Variants in KLF13 observed in about 807,000 individuals in gnomAD.
KLF13 encodes the protein KLF transcription factor 13, also known as Krueppel-like factor 13.
KLF13 carries 8 observed loss-of-function variants against 16.7 expected under a neutral mutation model. The ratio of observed to expected loss-of-function variants is 0.48; its 90% CI spans 0.28 to 0.87. KLF13 has a LOEUF of 0.87. Ranked by LOEUF, KLF13 falls within the 40% of genes least tolerant of loss-of-function variation. The pLI, the probability that KLF13 is intolerant of heterozygous loss-of-function variation, is 0.10. For missense variants in KLF13, 447 were observed against 452.2 expected (o/e 0.99, Z 0.10); for synonymous variants, 245 against 208.4 (o/e 1.18, Z -1.51).
In KLF13 at chr15:31,336,596, G is replaced by A. The variant is rs373615363; in HGVS notation, c.577+8807G>A. Among the ~76,000 whole-genome samples the A allele has an allele frequency of 7.2e-5, 11 of 152,280 alleles. No homozygotes were observed. The South Asian group carries it at 2.3e-3, about 32-fold the overall frequency. On this transcript the variant is annotated intron_variant, in intron 1 of 1. Coordinates refer to ENST00000307145, the MANE Select transcript of KLF13 (RefSeq NM_015995.4). The stretch of plus-strand genomic sequence containing the variant: ...CACTAAACAAGAAAAATAATACAGG[G>A]AACTTGGTTTAGGGGTATTGGTAGA...
At chr15:31,411,749 T>C (rs907323226) in intron 1 of KLF13, among the ~76,000 whole-genome samples, 3 of 151,882 alleles carry the variant, frequency 2.0e-5, no homozygotes, top group Admixed American at 6.6e-5. Context: ...ATTATAGAAG[T>C]ATAAAGAGTA....
In KLF13 at chr15:31,372,306, C is replaced by T. The variant is rs1566823116; in HGVS notation, c.*7C>T. On this transcript the variant is annotated 3_prime_UTR_variant, in exon 2 of 2. Transcript: ENST00000307145. ...CCCGGCCAGCTCGCCCTGAGCCCGC[C>T]ACAGCCATGAGCAGCCGCTCCCACC... The T allele has an allele frequency of 3.7e-5, 54 of 1,466,666 alleles. No individual in the cohort carries two copies. Among genetic ancestry groups the T allele is most frequent in the Non-Finnish European group, 4.9e-5 (54 of 1,113,366 alleles). 90.9% of individuals were successfully genotyped at this position (1,466,666 alleles called of 1,614,324 possible).
At chr15:31,343,455 G>T (rs1465966451) in intron 1 of KLF13, among the ~76,000 whole-genome samples, 1 of 152,220 alleles carries the variant, frequency 6.6e-6, no homozygotes, top group African/African-American at 2.4e-5. Context: ...GCAGTGGGAA[G>T]GAGACCAGCC....
chr15:31,389,466 A>G (rs1248099452), upstream of KLF13, among the ~76,000 whole-genome samples: 1 of 151,974 alleles, frequency 6.6e-6, no homozygotes, highest in Non-Finnish European at 1.5e-5. Context: ...AACTGTAATT[A>G]CCTCCAGTCC....
intron 1 of KLF13, among the ~76,000 whole-genome samples, chr15:31,350,333 T>C (rs2039197035): frequency 6.6e-6 from 1 of 152,212 alleles, no homozygotes; most frequent in African/African-American, 2.4e-5. Flanking sequence ...ATTGGTCCGT[T>C]GTTCGGAACC....
chr15:31,348,789 G>A (rs1312664370), intron 1 of KLF13, among the ~76,000 whole-genome samples: 1 of 152,160 alleles, frequency 6.6e-6, no homozygotes, highest in Non-Finnish European at 1.5e-5. Context: ...TAAACAACAA[G>A]TTTATTTTCA....
intron 1 of KLF13, among the ~76,000 whole-genome samples, chr15:31,383,920 TAA>T: frequency 6.6e-6 from 1 of 151,274 alleles, no homozygotes; most frequent in East Asian, 2.0e-4. Context: ...AATAAATAAA[TAA>T]ATAAAATAAA....
At chr15:31,362,266 A>C (rs1211312047) in intron 1 of KLF13, among the ~76,000 whole-genome samples, 3 of 152,128 alleles carry the variant, frequency 2.0e-5, no homozygotes, top group African/African-American at 4.8e-5. Flanking sequence ...CCTATCAAAC[A>C]ATTTATCAGG....
Position 31,350,291 on chromosome 15 carries a change from C to T in KLF13, c.578-21719C>T, listed in dbSNP as rs1251950537. Among the ~76,000 whole-genome samples the T allele has an allele frequency of 2.6e-5, 4 of 152,220 alleles. No individual in the cohort carries two copies. In the East Asian group the frequency reaches 7.7e-4, roughly 29 times the overall value. Reference sequence around the variant, plus strand: ...GGGAGGGGATGAGCCGAGCAGGCCCCCCAGCGTGCAGGGCACCTGGATGCC... The same window carrying T: ...GGGAGGGGATGAGCCGAGCAGGCCCTCCAGCGTGCAGGGCACCTGGATGCC... On this transcript the variant is annotated intron_variant, in intron 1 of 1. Transcript: ENST00000307145.
At chr15:31,351,557 C>T (rs1176036187) in intron 1 of KLF13, among the ~76,000 whole-genome samples, 2 of 152,192 alleles carry the variant, frequency 1.3e-5, no homozygotes, top group African/African-American at 2.4e-5. Flanking sequence ...TCATTATTTT[C>T]AGGGGGAGTT....
chr15:31,337,544 T>C (rs2038951530), intron 1 of KLF13, among the ~76,000 whole-genome samples: 1 of 152,244 alleles, frequency 6.6e-6, no homozygotes, highest in Non-Finnish European at 1.5e-5. Flanking sequence ...TTCGTCCTTA[T>C]GTGAACATCA....
At chr15:31,431,638 G>A (rs1371652177) in intron 1 of KLF13, among the ~76,000 whole-genome samples, 1 of 152,050 alleles carries the variant, frequency 6.6e-6, no homozygotes, top group Non-Finnish European at 1.5e-5. Flanking sequence ...CTAATTTTTT[G>A]TATTTTTAGT....
At chr15:31,409,831 CTG>C (rs1430747846) in intron 1 of KLF13, among the ~76,000 whole-genome samples, 1 of 151,996 alleles carries the variant, frequency 6.6e-6, no homozygotes, top group African/African-American at 2.4e-5. Context: ...TAAATAAAAA[CTG>C]AGAAAATTTT....
chr15:31,366,733 A>ACTGTGTGCCCCCCTGTGCTCC (rs1364980450), intron 1 of KLF13, among the ~76,000 whole-genome samples: 1 of 152,070 alleles, frequency 6.6e-6, no homozygotes, highest in Non-Finnish European at 1.5e-5. Context: ...CCCTCACCTC[A>ACTGTGTGCCCCCCTGTGCTCC]CTGTGTGCCC....
At chr15:31,359,956 G>A (rs779205424) in intron 1 of KLF13, among the ~76,000 whole-genome samples, 3 of 152,198 alleles carry the variant, frequency 2.0e-5, no homozygotes, top group Non-Finnish European at 2.9e-5. Flanking sequence ...GAGGCAGGTA[G>A]GACACAGAAC....
chr15:31,368,333 C>T (rs1414330753), intron 1 of KLF13, among the ~76,000 whole-genome samples: 2 of 152,110 alleles, frequency 1.3e-5, no homozygotes, highest in African/African-American at 2.4e-5. Context: ...TGGACTTTCC[C>T]AAGCTTTTAA....
intron 1 of KLF13, among the ~76,000 whole-genome samples, chr15:31,346,189 A>G (rs924292774): frequency 6.6e-6 from 1 of 151,942 alleles, no homozygotes; most frequent in African/African-American, 2.4e-5. Flanking sequence ...TTCTGGGAAG[A>G]TTACCCATCT....
At chr15:31,421,363 C>T (rs1055986551) in intron 1 of KLF13, among the ~76,000 whole-genome samples, 2 of 152,042 alleles carry the variant, frequency 1.3e-5, no homozygotes, top group Admixed American at 6.5e-5. Context: ...TGGAAAAGTA[C>T]AGAATTGTAT....
intron 1 of KLF13, among the ~76,000 whole-genome samples, chr15:31,386,607 A>C (rs926614829): frequency 6.6e-6 from 1 of 152,268 alleles, no homozygotes; most frequent in Non-Finnish European, 1.5e-5. Context: ...CAGAAGATCT[A>C]GCCAAGATCA....
Sources: allele counts gnomAD v4.1 joint callset (sites outside exome capture counted in the v4.1 genomes callset), GRCh38; gene constraint gnomAD v4.1.1; transcripts MANE v1.5; gene names NCBI Gene and HGNC (gene_info 2026-07-23, HGNC 2026-07-21).